IPO8: variants seen among roughly 807,000 people sequenced by gnomAD.
The protein encoded by IPO8 is importin-8.
A neutral mutation model predicts 141.2 loss-of-function variants in IPO8; 65 were observed. The ratio of observed to expected loss-of-function variants is 0.46; its 90% CI spans 0.38 to 0.57. IPO8 has a LOEUF of 0.57. Ranked by LOEUF, IPO8 falls within the 20% of genes least tolerant of loss-of-function variation. The pLI, the probability that IPO8 is intolerant of heterozygous loss-of-function variation, is 0.00. For synonymous variants in IPO8, 411 were observed against 420.3 expected (o/e 0.98, Z 0.27); for missense variants, 980 against 1,246.8 (o/e 0.79, Z 3.22).
intron 20 of IPO8, among the ~76,000 whole-genome samples, chr12:30,639,998 T>C (rs1269265441): frequency 1.3e-5 from 2 of 152,212 alleles, no homozygotes; most frequent in Non-Finnish European, 2.9e-5. Flanking sequence ...GATTGTCCTG[T>C]AAGAGTCCAC....
intron 2 of IPO8, among the ~76,000 whole-genome samples, chr12:30,689,963 A>G (rs534111980): frequency 3.3e-5 from 5 of 152,350 alleles, no homozygotes; most frequent in African/African-American, 1.2e-4. Context: ...TGACCAGTCC[A>G]TAAAAAAACA....
At chr12:30,669,306 C>G (rs7955420) in intron 9 of IPO8, 24 bp from the exon 10 acceptor site, 13 of 1,030,254 alleles carry the variant, frequency 1.3e-5, no homozygotes, top group Non-Finnish European at 1.7e-5. Flanking sequence ...AAAAAAAAAA[C>G]GTAACAAATG....
At chr12:30,642,285 A>C (rs1591823712) in intron 20 of IPO8, among the ~76,000 whole-genome samples, 1 of 152,112 alleles carries the variant, frequency 6.6e-6, no homozygotes, top group Non-Finnish European at 1.5e-5. Context: ...ACTCCAAAAG[A>C]GGTAAAGGAG....
chr12:30,645,435 G>A (rs901340128), intron 20 of IPO8, among the ~76,000 whole-genome samples: 9 of 149,174 alleles, frequency 6.0e-5, no homozygotes, highest in Non-Finnish European at 1.2e-4. Context: ...AGAAGTGTAA[G>A]CAAACATCTC....
Position 30,695,618 on chromosome 12 carries a change from C to CA in IPO8, c.29dup (p.Lys11GlufsTer36). The stretch of plus-strand genomic sequence containing the variant: ...GCAACTTCGGGTCGATGGTGCCCTT[C>CA]AGCGCCTGGATGATCCGGTTGAGGT... On this transcript the variant is annotated frameshift_variant, in exon 1 of 25. Transcript: ENST00000256079. LOFTEE classifies it high-confidence loss of function. This position sits in a 1 kb window ranked among gnomAD's most constrained non-coding sequence, Gnocchi z 4.2. 1.2e-6 allele frequency: 2 copies of CA among 1,614,172 alleles called. No homozygotes were observed. The highest frequency in any genetic ancestry group is 1.7e-6 in the Non-Finnish European group (2 of 1,179,994).
At chr12:30,680,684 A>G (rs2053180140) in intron 4 of IPO8, 46 bp from the exon 5 acceptor site, 1 of 1,431,960 alleles carries the variant, frequency 7.0e-7, no homozygotes, top group Non-Finnish European at 9.5e-7. Flanking sequence ...TTCCCACCCA[A>G]AGAACCATCA....
intron 20 of IPO8, among the ~76,000 whole-genome samples, chr12:30,643,352 G>A (rs1252701499): frequency 6.6e-6 from 1 of 152,188 alleles, no homozygotes; most frequent in Non-Finnish European, 1.5e-5. Flanking sequence ...TTAGAGGAAT[G>A]GAATGCCAAT....
rs771189322 is a variant in IPO8 at position 30,671,028 on chromosome 12, T to C, written c.978A>G (p.Ala326=). 2.2e-5 allele frequency: 35 copies of C among 1,613,112 alleles called. No homozygotes were observed. The highest frequency in any genetic ancestry group is 2.7e-5 in the Non-Finnish European group (32 of 1,179,196). The change falls in exon 9 of 25, where the codon GCA becomes GCG. Residue 326 remains alanine, a synonymous_variant. Transcript: ENST00000256079. ...EYVAPRVLQQ[A]FNYLNQGVVH... ...CCACCCCTTGGTTGAGATAGTTGAATGCTTGCTGAAGAACACGGGGAGCTA... is the reference window on the plus strand; with the variant it reads ...CCACCCCTTGGTTGAGATAGTTGAACGCTTGCTGAAGAACACGGGGAGCTA...
chr12:30,663,817 T>C (rs1365927913), intron 13 of IPO8, among the ~76,000 whole-genome samples, 163 bp from the exon 14 acceptor site: 2 of 152,222 alleles, frequency 1.3e-5, no homozygotes, highest in African/African-American at 4.8e-5. Context: ...ATCCCCCTTT[T>C]TACAAGTAAG....
At chr12:30,683,447 C>A (rs947455231) in intron 3 of IPO8, among the ~76,000 whole-genome samples, 4 of 152,114 alleles carry the variant, frequency 2.6e-5, no homozygotes, top group African/African-American at 4.8e-5. Context: ...TAAAAAATTT[C>A]ATTCCTCTAC....
chr12:30,688,408 C>A, intron 2 of IPO8: 1 of 439,134 alleles, frequency 2.3e-6, no homozygotes, highest in African/African-American at 2.1e-5. Context: ...TGCCCACAAG[C>A]AAAAGAGAAA....
intron 20 of IPO8, among the ~76,000 whole-genome samples, chr12:30,641,890 C>G (rs2136129833): frequency 6.6e-6 from 1 of 152,108 alleles, no homozygotes; most frequent in South Asian, 2.1e-4. Context: ...AGTCATGAAT[C>G]TGAATTAGAA....
chr12:30,688,768 G>A, intron 2 of IPO8: 1 of 153,314 alleles, frequency 6.5e-6, no homozygotes. Flanking sequence ...ATGCACTGTT[G>A]GTAGAAAATG....
At chr12:30,655,578 C>T (rs1331666636) in intron 17 of IPO8, among the ~76,000 whole-genome samples, 1 of 152,102 alleles carries the variant, frequency 6.6e-6, no homozygotes, top group African/African-American at 2.4e-5. Flanking sequence ...TCTGTTCTTT[C>T]TATGAGTTTG....
At chr12:30,685,926 T>C (rs949983857) in intron 2 of IPO8, among the ~76,000 whole-genome samples, 1 of 147,380 alleles carries the variant, frequency 6.8e-6, no homozygotes, top group Non-Finnish European at 1.5e-5. Flanking sequence ...AAAAACTAAA[T>C]TGGGTAGTCA....
chr12:30,672,995 A>G (rs566169535), intron 8 of IPO8, among the ~76,000 whole-genome samples: 1 of 152,140 alleles, frequency 6.6e-6, no homozygotes, highest in Non-Finnish European at 1.5e-5. Flanking sequence ...GGTGATTCAC[A>G]CCTGTAATCC....
intron 19 of IPO8, among the ~76,000 whole-genome samples, chr12:30,649,753 C>T (rs1448624990): frequency 6.6e-6 from 1 of 151,974 alleles, no homozygotes; most frequent in Non-Finnish European, 1.5e-5. Flanking sequence ...ACAAAGTTAT[C>T]AGACAGTTCC....
intron 10 of IPO8, among the ~76,000 whole-genome samples, chr12:30,667,646 C>T (rs551984938): frequency 1.3e-5 from 2 of 152,220 alleles, no homozygotes; most frequent in East Asian, 1.9e-4. Context: ...CAGAAGGAAA[C>T]GATTAAAGAA....
In IPO8 at chr12:30,634,208, T is replaced by G. The variant is rs536910269; in HGVS notation, c.2774A>C (p.Glu925Ala). The G allele has an allele frequency of 5.0e-6, 8 of 1,614,002 alleles. No homozygotes were observed. The highest frequency in any genetic ancestry group is 1.1e-5 in the South Asian group (1 of 91,072). ...MQSNNGRGED[E>A]EEEDDDWDEE... Reference sequence around the variant, plus strand: ...ATCCCAGTCATCATCTTCCTCCTCCTCATCTTCACCTCTTCCATTATTTGA... The same window carrying G: ...ATCCCAGTCATCATCTTCCTCCTCCGCATCTTCACCTCTTCCATTATTTGA... The change falls in exon 23 of 25, where the codon GAG (glutamate) becomes GCG (alanine). Residue 925 changes from glutamate (E) to alanine (A), a missense_variant. Physicochemically the swap from Glu to Ala is moderately radical, Grantham distance 107. This residue lies in a region of IPO8 where 924 missense variants were observed against 1,153.9 expected (regional missense o/e 0.80). Transcript: ENST00000256079.
Sources: gnomAD v4.1 joint callset for allele counts (sites outside exome capture counted in the v4.1 genomes callset) on GRCh38, gnomAD v4.1.1 for gene constraint, gnomAD v4.1.1 regional missense constraint, Gnocchi (gnomAD v3.1) non-coding constraint, MANE v1.5 for transcripts, NCBI Gene and HGNC (gene_info 2026-07-23, HGNC 2026-07-21) for gene names.